TCF12: variants seen among roughly 807,000 people sequenced by gnomAD.
TCF12 encodes the protein transcription factor 12.
A neutral mutation model predicts 86.0 loss-of-function variants in TCF12; 45 were observed. That is an observed-to-expected ratio of 0.52 (90% confidence interval 0.41 to 0.67). TCF12 has a LOEUF of 0.67. TCF12 is among the 30% of genes least tolerant of loss of function. TCF12 has a pLI of 0.00. For synonymous variants in TCF12, 330 were observed against 299.6 expected (o/e 1.10, Z -1.05); for missense variants, 881 against 859.9 (o/e 1.02, Z -0.31).
intron 3 of TCF12, among the ~76,000 whole-genome samples, chr15:56,999,428 A>C (rs572178656): frequency 6.6e-6 from 1 of 152,206 alleles, no homozygotes; most frequent in Non-Finnish European, 1.5e-5. Context: ...ATATCATTAC[A>C]AACTCCACAG....
downstream of TCF12, among the ~76,000 whole-genome samples, chr15:57,290,360 AAG>A (rs1491522246): frequency 6.8e-6 from 1 of 146,194 alleles, no homozygotes; most frequent in Non-Finnish European, 1.5e-5. Context: ...AAAAAAAAAA[AAG>A]AGTGAGCCAG....
intron 5 of TCF12, among the ~76,000 whole-genome samples, chr15:57,135,050 G>C (rs2052420643): frequency 6.6e-6 from 1 of 152,078 alleles, no homozygotes. Context: ...CAAGTTTAAG[G>C]AATTTCCTTT....
chr15:57,047,640 G>A, intron 3 of TCF12, among the ~76,000 whole-genome samples: 1 of 152,268 alleles, frequency 6.6e-6, no homozygotes, highest in East Asian at 1.9e-4. Flanking sequence ...TTTGGATTGT[G>A]AGAGAAAATA....
chr15:57,183,838 C>CA (rs1413463396), intron 6 of TCF12, among the ~76,000 whole-genome samples: 5 of 152,122 alleles, frequency 3.3e-5, no homozygotes, highest in Non-Finnish European at 7.4e-5. Context: ...TTCAAGATTA[C>CA]CAGTCAGGAT....
At chr15:57,152,869 C>G (rs774127769) in intron 5 of TCF12, among the ~76,000 whole-genome samples, 1 of 152,028 alleles carries the variant, frequency 6.6e-6, no homozygotes, top group Admixed American at 6.6e-5. Flanking sequence ...CACACACACA[C>G]ACACCACACA....
intron 3 of TCF12, among the ~76,000 whole-genome samples, chr15:56,989,310 CA>C (rs2063335553): frequency 6.6e-6 from 1 of 152,142 alleles, no homozygotes; most frequent in African/African-American, 2.4e-5. Flanking sequence ...TCTTGACCTG[CA>C]AAGCCTAAGA....
rs953861147 is a variant in TCF12 at position 57,251,016 on chromosome 15, G to C, written c.1115-334G>C. Among the ~76,000 whole-genome samples the C allele has an allele frequency of 2.0e-5, 3 of 151,468 alleles. No individual in the cohort carries two copies. In the Admixed American group the frequency reaches 2.0e-4, roughly 10 times the overall value. On this transcript the variant is annotated intron_variant, in intron 13 of 20. Coordinates refer to ENST00000333725, the MANE Select transcript of TCF12 (RefSeq NM_207037.2). ...ATTTCTGTACAATGCTATAGGAAGG[G>C]GGACAGAATTTTAAAAGTGTGTACG...
intron 8 of TCF12, among the ~76,000 whole-genome samples, chr15:57,206,889 A>G (rs1380955748): frequency 6.6e-6 from 1 of 150,566 alleles, no homozygotes; most frequent in Non-Finnish European, 1.5e-5. Flanking sequence ...CTAGAAGTTC[A>G]AGACCAGCCT....
intron 5 of TCF12, among the ~76,000 whole-genome samples, chr15:57,165,401 A>T (rs2054812576): frequency 6.6e-6 from 1 of 152,200 alleles, no homozygotes; most frequent in Non-Finnish European, 1.5e-5. Flanking sequence ...AAATATATTA[A>T]ATGCAAACAG....
intron 3 of TCF12, among the ~76,000 whole-genome samples, chr15:56,928,754 A>G (rs926279535): frequency 6.6e-6 from 1 of 152,204 alleles, no homozygotes. Flanking sequence ...CGCCACTTGA[A>G]TGTAGCATTT....
intron 6 of TCF12, among the ~76,000 whole-genome samples, chr15:57,170,738 ATATATATTATAT>A (rs2055377367): frequency 6.2e-4 from 1 of 1,612 alleles, no homozygotes; most frequent in African/African-American, 1.4e-3. Context: ...ATTATATATA[ATATATATTATAT>A]ATTATATATT....
intron 3 of TCF12, among the ~76,000 whole-genome samples, chr15:56,926,750 C>T (rs2060033393): frequency 6.6e-6 from 1 of 152,190 alleles, no homozygotes; most frequent in South Asian, 2.1e-4. Context: ...GTGAATAGCA[C>T]AGTGATCTTG....
At chr15:57,098,169 A>T (rs1388888635) in intron 5 of TCF12, among the ~76,000 whole-genome samples, 2 of 152,160 alleles carry the variant, frequency 1.3e-5, no homozygotes, top group African/African-American at 4.8e-5. Context: ...TGGATGACAG[A>T]GCAAGACTCC....
chr15:57,194,958 A>G (rs1355426617), intron 7 of TCF12, among the ~76,000 whole-genome samples: 1 of 152,104 alleles, frequency 6.6e-6, no homozygotes, highest in Non-Finnish European at 1.5e-5. Flanking sequence ...GCTGGAGTAC[A>G]ATGGCATGAT....
chr15:56,960,749 C>T (rs1272808263), intron 3 of TCF12, among the ~76,000 whole-genome samples: 1 of 151,660 alleles, frequency 6.6e-6, no homozygotes, highest in Non-Finnish European at 1.5e-5. Flanking sequence ...GTACTTTATC[C>T]CAATTCTTTG....
At chr15:56,946,635 G>A (rs1321033847) in intron 3 of TCF12, among the ~76,000 whole-genome samples, 2 of 151,920 alleles carry the variant, frequency 1.3e-5, no homozygotes, top group African/African-American at 4.8e-5. Flanking sequence ...TTTTGATTTA[G>A]TTCTAGACAT....
At position 57,188,916 on chromosome 15, in the gene TCF12, T is replaced by C. The variant is rs189077414; in HGVS notation, c.391-3242T>C. ...GATCTTCCCACCTCAGCCTCCTGAG[T>C]AGCTGGAACTACAGGCGCACACCAT... On this transcript the variant is annotated intron_variant, in intron 6 of 20. Transcript: ENST00000333725. Among the ~76,000 whole-genome samples, 29 of 152,308 alleles carry C rather than the reference T, an allele frequency of 1.9e-4. 1 individual carries two copies. The highest frequency in any genetic ancestry group is 1.6e-3 in the Admixed American group (25 of 15,300).
Position 57,289,474 on chromosome 15 carries a change from C to T in TCF12, c.*3329C>T, listed in dbSNP as rs953215717. On this transcript the variant is annotated 3_prime_UTR_variant, in exon 21 of 21. Coordinates refer to ENST00000333725, the MANE Select transcript of TCF12 (RefSeq NM_207037.2). ...ACCTCCCTGCCTTGACTTTCTCTTT[C>T]TCTTTGCAGATTTCTAGGCCGCTTC... is the stretch of plus-strand genomic sequence containing the variant. 3 of 152,166 alleles carry T rather than the reference C, an allele frequency of 2.0e-5. No homozygotes were observed. In the South Asian group the frequency reaches 6.2e-4, roughly 32 times the overall value. The allele number at this position is 152,166 out of a possible 1,614,324, so 9.4% of individuals were successfully genotyped here.
intron 4 of TCF12, among the ~76,000 whole-genome samples, chr15:57,076,505 T>C (rs1251037600): frequency 6.6e-6 from 1 of 151,864 alleles, no homozygotes; most frequent in African/African-American, 2.4e-5. Context: ...ATACAAAAAT[T>C]TGCTGGGCGT....
Sources: allele counts gnomAD v4.1 joint callset (sites outside exome capture counted in the v4.1 genomes callset), GRCh38; gene constraint gnomAD v4.1.1; transcripts MANE v1.5; gene names NCBI Gene and HGNC (gene_info 2026-07-23, HGNC 2026-07-21).